ZRANB3: variants seen among roughly 807,000 people sequenced by gnomAD.
ZRANB3 encodes the protein DNA annealing helicase and endonuclease ZRANB3.
A neutral mutation model predicts 133.8 loss-of-function variants in ZRANB3; 125 were observed. The observed-to-expected ratio is 0.93, with a 90% CI of 0.81 to 1.08. The LOEUF is 1.08. Ranked by LOEUF, ZRANB3 falls within the 50% of genes least tolerant of loss-of-function variation. ZRANB3 has a pLI of 0.00. For missense variants in ZRANB3, 1,229 were observed against 1,275.5 expected (o/e 0.96, Z 0.56); for synonymous variants, 387 against 432.7 (o/e 0.89, Z 1.31).
chr2:135,347,332 G>A (rs113536931), intron 5 of ZRANB3, among the ~76,000 whole-genome samples: 5,785 of 141,852 alleles, frequency 0.041, 391 homozygotes, highest in African/African-American at 0.15. Flanking sequence ...TCGCTCTGTC[G>A]CCCAGGCTGG....
chr2:135,379,721 G>A lies in ZRANB3; in HGVS notation c.180+11081C>T, dbSNP rs529426967. The stretch of plus-strand genomic sequence containing the variant: ...CTGCAAAAACACACCAAATTGTAAA[G>A]ACCATCAATGCTATGAAGAAACTAC... On this transcript the variant is annotated intron_variant, in intron 3 of 20. Coordinates refer to ENST00000264159, the MANE Select transcript of ZRANB3 (RefSeq NM_032143.4). Among the ~76,000 whole-genome samples, 12 of 152,226 alleles carry A rather than the reference G, an allele frequency of 7.9e-5. No homozygotes were observed. The South Asian group carries it at 2.5e-3, about 32-fold the overall frequency.
In ZRANB3 at chr2:135,227,831, A is replaced by G; in HGVS notation, c.2139T>C (p.Leu713=). The change falls in exon 14 of 21, where the codon CTT becomes CTC. Residue 713 remains leucine, a synonymous_variant. Transcript: ENST00000264159. ...ACTTACCATTACCTGGCTGGGATGT[A>G]AGTCCGTCTTCTTTCTCAATTTTTG... ...ETPKIEKEDG[L]TSQPGNEQWK... is the part of the protein sequence containing the mutation. 7.6e-6 allele frequency: 12 copies of G among 1,575,494 alleles called. No homozygotes were observed. The highest frequency in any genetic ancestry group is 1.0e-5 in the Non-Finnish European group (12 of 1,158,544).
chr2:135,439,183 T>A (rs1386005192), intron 2 of ZRANB3, among the ~76,000 whole-genome samples: 6 of 152,222 alleles, frequency 3.9e-5, no homozygotes, highest in Non-Finnish European at 8.8e-5. Context: ...CTAAGGTCTG[T>A]CAGAGGAAAC....
intron 6 of ZRANB3, among the ~76,000 whole-genome samples, chr2:135,317,227 T>C (rs1045212540): frequency 8.5e-5 from 13 of 152,252 alleles, no homozygotes; most frequent in African/African-American, 2.6e-4. Context: ...TAATGCATCA[T>C]GTCCCCATAT....
At chr2:135,421,546 T>C (rs1343293393) in intron 2 of ZRANB3, among the ~76,000 whole-genome samples, 1 of 152,180 alleles carries the variant, frequency 6.6e-6, no homozygotes, top group Non-Finnish European at 1.5e-5. Flanking sequence ...GTCATCTTTC[T>C]TAATTTCTTT....
intron 3 of ZRANB3, among the ~76,000 whole-genome samples, chr2:135,383,004 T>G (rs546616508): frequency 1.3e-5 from 2 of 152,248 alleles, no homozygotes; most frequent in Admixed American, 6.5e-5. Flanking sequence ...TAACTTTAAA[T>G]GTAAATGGGC....
chr2:135,391,690 C>T (rs1428530639), intron 2 of ZRANB3, among the ~76,000 whole-genome samples: 1 of 151,816 alleles, frequency 6.6e-6, no homozygotes, highest in Non-Finnish European at 1.5e-5. Context: ...TGCTATTCTC[C>T]TGCCTCAGCC....
At chr2:135,511,242 G>A in intron 1 of ZRANB3, 1 of 1,008,552 alleles carries the variant, frequency 9.9e-7, no homozygotes, top group South Asian at 1.3e-5. Flanking sequence ...GTCTGCAGGT[G>A]CTGGAGAAGA....
At chr2:135,244,404 G>A (rs1467107905) in intron 12 of ZRANB3, among the ~76,000 whole-genome samples, 7 of 152,194 alleles carry the variant, frequency 4.6e-5, no homozygotes, top group Admixed American at 2.0e-4. Flanking sequence ...TCAGGAGTTC[G>A]AAACCAGCCT....
At chr2:135,348,648 G>T (rs928145060) in intron 5 of ZRANB3, among the ~76,000 whole-genome samples, 30 of 152,244 alleles carry the variant, frequency 2.0e-4, no homozygotes, top group Non-Finnish European at 3.4e-4. Context: ...AGACTGGAGT[G>T]CAATGGTGAG....
At chr2:135,403,732 C>T (rs1379226694) in intron 2 of ZRANB3, among the ~76,000 whole-genome samples, 5 of 152,192 alleles carry the variant, frequency 3.3e-5, no homozygotes, top group East Asian at 1.9e-4. Flanking sequence ...CTCACACGGC[C>T]GGGTACTCCT....
At chr2:135,498,304 A>G (rs1443568381) in intron 2 of ZRANB3, among the ~76,000 whole-genome samples, 2 of 152,136 alleles carry the variant, frequency 1.3e-5, no homozygotes, top group Non-Finnish European at 2.9e-5. Context: ...AATTGTGAAG[A>G]TTTCATGGAC....
At chr2:135,335,490 C>T (rs993282181) in intron 6 of ZRANB3, among the ~76,000 whole-genome samples, 2 of 151,918 alleles carry the variant, frequency 1.3e-5, no homozygotes, top group East Asian at 1.9e-4. Context: ...GTCTGGAGTT[C>T]GACAACAGCT....
At chr2:135,318,667 C>T (rs2104831026) in intron 6 of ZRANB3, among the ~76,000 whole-genome samples, 1 of 152,162 alleles carries the variant, frequency 6.6e-6, no homozygotes, top group South Asian at 2.1e-4. Flanking sequence ...GTTAAAGAGA[C>T]CGAAAAGTTT....
At chr2:135,295,807 T>A (rs1369208544) in intron 8 of ZRANB3, among the ~76,000 whole-genome samples, 1 of 152,230 alleles carries the variant, frequency 6.6e-6, no homozygotes, top group Non-Finnish European at 1.5e-5. Flanking sequence ...TGCTTGTCTG[T>A]AAAGGATTTT....
At chr2:135,276,492 GTTAC>G (rs1181108164) in intron 8 of ZRANB3, among the ~76,000 whole-genome samples, 5 of 152,082 alleles carry the variant, frequency 3.3e-5, no homozygotes, top group South Asian at 4.1e-4. Context: ...TTGAGGCCAA[GTTAC>G]TTACTAAGAG....
chr2:135,417,485 A>G (rs1688641528), intron 2 of ZRANB3, among the ~76,000 whole-genome samples: 1 of 152,138 alleles, frequency 6.6e-6, no homozygotes, highest in Admixed American at 6.5e-5. Context: ...GGATGTGGAG[A>G]AATAGGAACA....
At chr2:135,417,854 G>C (rs1052197738) in intron 2 of ZRANB3, among the ~76,000 whole-genome samples, 8 of 152,008 alleles carry the variant, frequency 5.3e-5, no homozygotes, top group Non-Finnish European at 1.2e-4. Flanking sequence ...GTAAACTATC[G>C]CAAGGACAAA....
intron 6 of ZRANB3, among the ~76,000 whole-genome samples, chr2:135,324,646 G>A (rs1683719287): frequency 6.6e-6 from 1 of 152,176 alleles, no homozygotes; most frequent in Non-Finnish European, 1.5e-5. Context: ...AGATCCTTGA[G>A]GAATCGCCAC....
Sources: gnomAD v4.1 joint callset for allele counts (sites outside exome capture counted in the v4.1 genomes callset) on GRCh38, gnomAD v4.1.1 for gene constraint, MANE v1.5 for transcripts, NCBI Gene and HGNC (gene_info 2026-07-23, HGNC 2026-07-21) for gene names.